Variants in TRPM3 observed in about 807,000 individuals in gnomAD.
TRPM3 encodes the protein transient receptor potential cation channel subfamily M member 3.
A neutral mutation model predicts 181.2 loss-of-function variants in TRPM3; 77 were observed. That is an observed-to-expected ratio of 0.42 (90% CI 0.35 to 0.51). The LOEUF (loss-of-function observed/expected upper bound fraction) is 0.51. TRPM3 is among the 20% of genes least tolerant of loss of function. The pLI is 0.01. For synonymous variants in TRPM3, 745 were observed against 796.4 expected (o/e 0.94, Z 1.09); for missense variants, 1,759 against 2,196.7 (o/e 0.80, Z 3.98).
At chr9:70,958,409 T>C (rs1160161397) in intron 1 of TRPM3, among the ~76,000 whole-genome samples, 2 of 152,168 alleles carry the variant, frequency 1.3e-5, no homozygotes, top group African/African-American at 2.4e-5. Context: ...AGTGTAAAAG[T>C]GTTCCTATTT....
intron 1 of TRPM3, among the ~76,000 whole-genome samples, chr9:71,367,492 T>G (rs2092372953): frequency 6.6e-6 from 1 of 152,180 alleles, no homozygotes; most frequent in Non-Finnish European, 1.5e-5. Context: ...AGTTTTTTTC[T>G]TTTTAATTTT....
At chr9:71,004,988 T>A (rs1415441582) in intron 1 of TRPM3, among the ~76,000 whole-genome samples, 1 of 152,122 alleles carries the variant, frequency 6.6e-6, no homozygotes, top group Non-Finnish European at 1.5e-5. Context: ...TAGAACATCA[T>A]CCATCAGACC....
At chr9:71,018,589 A>G (rs2097807363) in intron 1 of TRPM3, among the ~76,000 whole-genome samples, 1 of 151,810 alleles carries the variant, frequency 6.6e-6, no homozygotes, top group Non-Finnish European at 1.5e-5. Flanking sequence ...GAAAAATAAG[A>G]CTCAATGAAG....
At chr9:70,958,797 C>T (rs202041962) in intron 1 of TRPM3, among the ~76,000 whole-genome samples, 1 of 151,356 alleles carries the variant, frequency 6.6e-6, no homozygotes, top group African/African-American at 2.4e-5. Flanking sequence ...GAAAATGTGG[C>T]ACATATACAC....
At chr9:71,325,082 T>C (rs990148998) in intron 1 of TRPM3, among the ~76,000 whole-genome samples, 2 of 152,092 alleles carry the variant, frequency 1.3e-5, no homozygotes, top group East Asian at 3.9e-4. Flanking sequence ...AGGTGATGGG[T>C]ACCTAAAATA....
chr9:71,182,858 C>T (rs1400626556), intron 1 of TRPM3, among the ~76,000 whole-genome samples: 1 of 152,004 alleles, frequency 6.6e-6, no homozygotes, highest in African/African-American at 2.4e-5. Flanking sequence ...GATGGGCTTT[C>T]ACCATATTGG....
chr9:70,793,201 C>T (rs10868888), intron 6 of TRPM3, among the ~76,000 whole-genome samples: 26,596 of 152,088 alleles, frequency 0.17, 2,627 homozygotes, highest in South Asian at 0.28. Flanking sequence ...ATGCCGTAAT[C>T]CCAGCTCTTT....
At chr9:71,317,694 C>T (rs538616799) in intron 1 of TRPM3, among the ~76,000 whole-genome samples, 36 of 150,914 alleles carry the variant, frequency 2.4e-4, no homozygotes, top group Middle Eastern at 3.2e-3. Flanking sequence ...CACACACACA[C>T]GCGCACACGC....
At chr9:70,671,410 T>C (rs1315703002) in intron 9 of TRPM3, among the ~76,000 whole-genome samples, 1 of 152,070 alleles carries the variant, frequency 6.6e-6, no homozygotes, top group African/African-American at 2.4e-5. Flanking sequence ...TATGGAATCA[T>C]TTTTAAAATA....
At chr9:71,018,039 C>T (rs1490407858) in intron 1 of TRPM3, among the ~76,000 whole-genome samples, 2 of 151,764 alleles carry the variant, frequency 1.3e-5, no homozygotes, top group African/African-American at 2.4e-5. Flanking sequence ...AATGATCCCC[C>T]GCTGTTTAAG....
intron 6 of TRPM3, among the ~76,000 whole-genome samples, chr9:70,793,119 G>T (rs370805352): frequency 1.1e-4 from 17 of 152,164 alleles, no homozygotes; most frequent in African/African-American, 3.4e-4. Flanking sequence ...GCTATAATTT[G>T]CCAACTCTTC....
At chr9:71,314,471 T>C (rs191209873) in intron 1 of TRPM3, among the ~76,000 whole-genome samples, 8 of 152,322 alleles carry the variant, frequency 5.3e-5, no homozygotes, top group Admixed American at 4.6e-4. Context: ...AAATTATTTT[T>C]GGCCCCATAC....
At chr9:71,357,837 T>C (rs1311713928) in intron 1 of TRPM3, among the ~76,000 whole-genome samples, 1 of 152,092 alleles carries the variant, frequency 6.6e-6, no homozygotes, top group Non-Finnish European at 1.5e-5. Context: ...CCAAAGCTTT[T>C]CCTATGAATC....
At chr9:70,765,308 G>T (rs371427235) in intron 7 of TRPM3, among the ~76,000 whole-genome samples, 2 of 152,102 alleles carry the variant, frequency 1.3e-5, no homozygotes, top group Non-Finnish European at 2.9e-5. Context: ...GTATATTTGC[G>T]GGCCGGGTTT....
chr9:71,072,184 C>A (rs1160048890), intron 1 of TRPM3, among the ~76,000 whole-genome samples: 1 of 152,064 alleles, frequency 6.6e-6, no homozygotes, highest in Non-Finnish European at 1.5e-5. Context: ...TTATGGAACA[C>A]CTTCATTGAT....
intron 7 of TRPM3, among the ~76,000 whole-genome samples, chr9:70,763,065 C>G (rs1297878317): frequency 6.6e-6 from 1 of 152,176 alleles, no homozygotes; most frequent in East Asian, 1.9e-4. Flanking sequence ...TCTGAACTCA[C>G]TAGGTTGGAT....
intron 1 of TRPM3, among the ~76,000 whole-genome samples, chr9:71,070,349 G>T (rs145487064): frequency 2.6e-5 from 4 of 152,300 alleles, no homozygotes; most frequent in African/African-American, 9.6e-5. Flanking sequence ...CAGCTATACA[G>T]CTCTCTGCTG....
intron 1 of TRPM3, chr9:70,916,973 T>G (rs2096602178): frequency 6.8e-7 from 1 of 1,479,748 alleles, no homozygotes; most frequent in African/African-American, 1.4e-5. Context: ...GTGAACAATC[T>G]GGTATAATTG....
intron 1 of TRPM3, among the ~76,000 whole-genome samples, chr9:71,435,889 A>C (rs1226150290): frequency 6.6e-6 from 1 of 152,192 alleles, no homozygotes; most frequent in Non-Finnish European, 1.5e-5. Flanking sequence ...GAAGAGGAGA[A>C]TCAGAAAAAG....
Sources: allele counts gnomAD v4.1 joint callset (sites outside exome capture counted in the v4.1 genomes callset), GRCh38; gene constraint gnomAD v4.1.1; transcripts MANE v1.5; gene names NCBI Gene and HGNC (gene_info 2026-07-23, HGNC 2026-07-21).